Variants in FBXO47 observed in about 807,000 individuals in gnomAD.
The protein encoded by FBXO47 is F-box protein 47.
In FBXO47, 34 loss-of-function variants were observed where a neutral mutation model predicts 53.9. The observed-to-expected ratio is 0.63, with a 90% confidence interval of 0.48 to 0.84. The LOEUF is 0.84. FBXO47 is among the 40% of genes least tolerant of loss of function. The pLI is 0.00. For synonymous variants in FBXO47, 165 were observed against 181.6 expected (o/e 0.91, Z 0.73); for missense variants, 485 against 541.3 (o/e 0.90, Z 1.03).
chr17:38,957,337 G>C, intron 3 of FBXO47, 84 bp from the exon 4 acceptor site: 1 of 928,974 alleles, frequency 1.1e-6, no homozygotes, highest in Non-Finnish European at 1.7e-6. Flanking sequence ...TTTCCTGAAA[G>C]TCAAGTATGG....
chr17:38,938,058 T>C (rs2143873510), intron 10 of FBXO47, among the ~76,000 whole-genome samples: 1 of 152,330 alleles, frequency 6.6e-6, no homozygotes, highest in Admixed American at 6.5e-5. Context: ...ATAAGAAAAG[T>C]AGATTAGAAG....
At position 38,950,506 on chromosome 17, in the gene FBXO47, C is replaced by G. The variant is rs370477240; in HGVS notation, c.616+1075G>C. ...TGGAGATCGGGATCTTGCTATGTCG[C>G]CCAGGCTGGTCTCTAACTCCTAGGC... On this transcript the variant is annotated intron_variant, in intron 6 of 10. Transcript: ENST00000378079. 6.8e-5 allele frequency among the ~76,000 whole-genome samples: 10 copies of G among 146,922 alleles called. No individual in the cohort carries two copies. In the South Asian group the frequency reaches 2.2e-3, roughly 32 times the overall value.
In FBXO47 at chr17:38,962,898, T is replaced by C. The variant is rs747339630; in HGVS notation, c.128A>G (p.Asn43Ser). The stretch of plus-strand genomic sequence containing the variant: ...TATTTCCAATGGTAAGGCTTTAAAA[T>C]TTCCAAATGTTGATATGGGTTGAAA... Reference protein sequence around the residue: ...SGFQPISTFGNFKALPLEIFQ... With the variant: ...SGFQPISTFGSFKALPLEIFQ... Residue 43 changes from asparagine to serine, a missense_variant, in exon 2 of 11, where the codon AAT becomes AGT. Physicochemically the swap from Asn to Ser is conservative, Grantham distance 46. Transcript: ENST00000378079. The C allele has an allele frequency of 5.2e-5, 84 of 1,613,232 alleles. No homozygotes were observed. The South Asian group carries it at 9.1e-4, about 18-fold the overall frequency.
chr17:38,962,107 T>A, intron 2 of FBXO47, 60 bp from the exon 3 acceptor site: 1 of 1,300,136 alleles, frequency 7.7e-7, no homozygotes, highest in Non-Finnish European at 1.1e-6. Context: ...ACGTCACTAT[T>A]AACACAGTCT....
At position 38,945,954 on chromosome 17, in the gene FBXO47, T is replaced by TAAATATATATACAAATATATAA. The variant is rs1904747135; in HGVS notation, c.617-819_617-818insTTATATATTTGTATATATATTT. Among the ~76,000 whole-genome samples, 4 of 128,678 alleles carry TAAATATATATACAAATATATAA rather than the reference T, an allele frequency of 3.1e-5. No individual in the cohort carries two copies. In the East Asian group the frequency reaches 9.4e-4, roughly 30 times the overall value. The allele number at this position is 128,678 out of a possible 152,430, so 84.4% of individuals were successfully genotyped here. On this transcript the variant is annotated intron_variant, in intron 6 of 10. Transcript: ENST00000378079. The stretch of plus-strand genomic sequence containing the variant: ...CTGGCTCAAAAAAAAAAAAAATATA[T>TAAATATATATACAAATATATAA]ATATATATATAAATATATAAATATA...
chr17:38,938,807 T>C lies in FBXO47; in HGVS notation c.1084-75A>G, dbSNP rs533565522. 1.6e-5 allele frequency: 19 copies of C among 1,181,166 alleles called. No individual in the cohort carries two copies. The African/African-American group carries it at 2.4e-4, about 15-fold the overall frequency. 73.2% of individuals were successfully genotyped at this position (1,181,166 alleles called of 1,614,324 possible). A position where few individuals can be genotyped will look rare whatever the true frequency, so the allele number is the denominator to read the frequency against. ...AGAATTTGAAAATGGTGAACAATGA[T>C]GAATAATTATAGTTTGTGATTTTAC... On this transcript the variant is annotated intron_variant, in intron 9 of 10. Coordinates refer to ENST00000378079, the MANE Select transcript of FBXO47 (RefSeq NM_001008777.3).
intron 9 of FBXO47, among the ~76,000 whole-genome samples, chr17:38,941,642 A>ATATATATATGTATATG (rs924192946): frequency 1.4e-5 from 2 of 144,232 alleles, no homozygotes; most frequent in African/African-American, 5.1e-5. Context: ...ATATATATAT[A>ATATATATATGTATATG]TATGTATGTG....
chr17:38,944,848 A>ATG (rs71300085), intron 7 of FBXO47, 112 bp downstream of exon 7: 8,176 of 613,380 alleles, frequency 0.013, 69 homozygotes, highest in African/African-American at 0.047. Flanking sequence ...GCGTGCATGC[A>ATG]TGTGTGTGTG....
intron 6 of FBXO47, among the ~76,000 whole-genome samples, chr17:38,945,719 G>A (rs1249915799): frequency 1.3e-5 from 2 of 151,620 alleles, no homozygotes; most frequent in African/African-American, 2.4e-5. Context: ...GGCAGATCAC[G>A]AGGTCAGGAG....
At chr17:38,958,476 A>AC in intron 3 of FBXO47, among the ~76,000 whole-genome samples, 1 of 151,958 alleles carries the variant, frequency 6.6e-6, no homozygotes, top group East Asian at 1.9e-4. Flanking sequence ...TAAAAAGAAA[A>AC]AAAAAAAAAC....
In FBXO47 at chr17:38,963,089, A is replaced by G. The variant is rs867176955; in HGVS notation, c.-26-38T>C. 8 of 1,286,162 alleles carry G rather than the reference A, an allele frequency of 6.2e-6. No individual in the cohort carries two copies. In the Middle Eastern group the frequency reaches 1.2e-3, roughly 186 times the overall value. 79.7% of individuals were successfully genotyped at this position (1,286,162 alleles called of 1,614,324 possible). Reference sequence around the variant, plus strand: ...ACAAAGTACAAGAGACAAGAAAGAAAGGAAATTAAAGCAAGAAAGAGATTT... The same window carrying G: ...ACAAAGTACAAGAGACAAGAAAGAAGGGAAATTAAAGCAAGAAAGAGATTT... On this transcript the variant is annotated intron_variant, in intron 1 of 10. Transcript: ENST00000378079.
At chr17:38,945,948 A>AAAAAAAAAAAAATATAT (rs1184511532) in intron 6 of FBXO47, among the ~76,000 whole-genome samples, 1 of 117,158 alleles carries the variant, frequency 8.5e-6, no homozygotes, top group African/African-American at 3.5e-5. Flanking sequence ...AAAAAAAAAA[A>AAAAAAAAAAAAATATAT]ATATATATAT....
intron 6 of FBXO47, among the ~76,000 whole-genome samples, chr17:38,947,068 AT>A (rs1904972256): frequency 4.6e-5 from 6 of 131,246 alleles, no homozygotes; most frequent in African/African-American, 1.6e-4. Flanking sequence ...ATAAATATAT[AT>A]AAACATATAT....
rs183557119 is a variant in FBXO47, at chr17:38,946,969, T to G, written c.617-1833A>C. On this transcript the variant is annotated intron_variant, in intron 6 of 10. Coordinates refer to ENST00000378079, the MANE Select transcript of FBXO47 (RefSeq NM_001008777.3). ...ACATATATAAATATATAAACATATA[T>G]AAATATATGTAAATATATATAAACA... Among the ~76,000 whole-genome samples, 3 of 108,854 alleles carry G rather than the reference T, an allele frequency of 2.8e-5. No homozygotes were observed. In the East Asian group the frequency reaches 9.6e-4, roughly 35 times the overall value. 71.4% of individuals were successfully genotyped at this position (108,854 alleles called of 152,430 possible). A position where few individuals can be genotyped will look rare whatever the true frequency, so the allele number is the denominator to read the frequency against.
chr17:38,954,926 C>T lies in FBXO47; in HGVS notation c.437G>A (p.Cys146Tyr). The T allele has an allele frequency of 6.2e-7, 1 of 1,609,128 alleles. No homozygotes were observed. ...AGCTGCACAGCCATTGAATTTAAAG[C>T]AGGAAACCTGTAAAGAAAACAATGT... The part of the protein sequence containing the change: ...YIHKILTEVS[C>Y]FKFNGCAAPM... The change falls in exon 5 of 11, where the codon TGC (cysteine) becomes TAC (tyrosine). Residue 146 changes from cysteine (C) to tyrosine (Y), a missense_variant. Transcript: ENST00000378079.
At chr17:38,946,251 T>C (rs1242459308) in intron 6 of FBXO47, among the ~76,000 whole-genome samples, 3 of 105,528 alleles carry the variant, frequency 2.8e-5, no homozygotes, top group African/African-American at 3.9e-5. Flanking sequence ...TATATAAATA[T>C]AAAAATATGT....
Position 38,938,749 on chromosome 17 carries a change from A to C in FBXO47, c.1084-17T>G. The C allele has an allele frequency of 6.4e-7, 1 of 1,557,910 alleles. No individual in the cohort carries two copies. The highest frequency in any genetic ancestry group is 1.4e-5 in the African/African-American group (1 of 74,048). The stretch of plus-strand genomic sequence containing the variant: ...CTCACACACCTGATTTAGACATATA[A>C]AGCGCTATAAACCTTCATGTGAAGA... On this transcript the variant is annotated splice_polypyrimidine_tract_variant and intron_variant, in intron 9 of 10. Transcript: ENST00000378079.
intron 3 of FBXO47, among the ~76,000 whole-genome samples, chr17:38,959,310 C>T (rs1028238089): frequency 1.3e-5 from 2 of 151,930 alleles, no homozygotes; most frequent in Admixed American, 6.6e-5. Context: ...TGGCCGAGTA[C>T]GGTGGCTCAC....
At chr17:38,951,814 T>A in intron 5 of FBXO47, 125 bp from the exon 6 acceptor site, 1 of 607,478 alleles carries the variant, frequency 1.6e-6, no homozygotes, top group Non-Finnish European at 2.9e-6. Context: ...GTGGATCACC[T>A]GCAGTCAGGA....
Sources: allele counts gnomAD v4.1 joint callset (sites outside exome capture counted in the v4.1 genomes callset), GRCh38; gene constraint gnomAD v4.1.1; transcripts MANE v1.5; gene names NCBI Gene and HGNC (gene_info 2026-07-23, HGNC 2026-07-21).